Variants in DENND1A observed in about 807,000 individuals in gnomAD.
DENND1A encodes the protein DENN domain-containing protein 1A.
DENND1A carries 51 observed loss-of-function variants against 113.7 expected under a neutral mutation model. The observed-to-expected ratio is 0.45, with a 90% CI of 0.36 to 0.57. The LOEUF (loss-of-function observed/expected upper bound fraction) is 0.57, where lower values mean the gene tolerates loss of function less well. Ranked by LOEUF, DENND1A falls within the 20% of genes least tolerant of loss-of-function variation. The pLI, the probability that DENND1A is intolerant of heterozygous loss-of-function variation, is 0.00. For synonymous variants in DENND1A, 565 were observed against 570.8 expected, an observed-to-expected ratio of 0.99 and a Z score of 0.14; for missense variants, 1,258 against 1,395.9, an observed-to-expected ratio of 0.90 and a Z score of 1.57.
intron 23 of DENND1A, among the ~76,000 whole-genome samples, chr9:123,383,400 C>G (rs1223864644): frequency 6.6e-6 from 1 of 152,196 alleles, no homozygotes; most frequent in African/African-American, 2.4e-5. Flanking sequence ...AGCACCCGCC[C>G]CCCCGTCTGA....
intron 13 of DENND1A, chr9:123,491,949 G>A (rs900221708): frequency 3.3e-5 from 5 of 152,214 alleles, no homozygotes; most frequent in South Asian, 2.1e-4. Flanking sequence ...ACTACCTTAC[G>A]GGAGAGGGAC....
chr9:123,587,455 A>T (rs2059233350), intron 11 of DENND1A, among the ~76,000 whole-genome samples: 2 of 152,240 alleles, frequency 1.3e-5, no homozygotes, highest in African/African-American at 4.8e-5. Context: ...CTAGACAACC[A>T]GTTAGACCAG....
intron 4 of DENND1A, among the ~76,000 whole-genome samples, chr9:123,766,538 C>T (rs1184448675): frequency 6.6e-6 from 1 of 152,134 alleles, no homozygotes; most frequent in Non-Finnish European, 1.5e-5. Flanking sequence ...GGAAATCAAA[C>T]CTCGTTTCCT....
At chr9:123,674,271 AC>A (rs1308394492) in intron 6 of DENND1A, among the ~76,000 whole-genome samples, 2 of 150,910 alleles carry the variant, frequency 1.3e-5, no homozygotes, top group South Asian at 2.1e-4. Context: ...TATCCCAGTT[AC>A]TCACACCTTG....
At chr9:123,530,430 T>C (rs1435935483) in intron 13 of DENND1A, among the ~76,000 whole-genome samples, 2 of 152,190 alleles carry the variant, frequency 1.3e-5, no homozygotes, top group Admixed American at 1.3e-4. Context: ...ATTGTCAATG[T>C]ACCGTTTCAT....
At chr9:123,849,925 G>C (rs1439972087) in intron 2 of DENND1A, among the ~76,000 whole-genome samples, 4 of 152,198 alleles carry the variant, frequency 2.6e-5, no homozygotes, top group Non-Finnish European at 5.9e-5. Context: ...AGCAGAACCT[G>C]AAAATGGGAC....
intron 13 of DENND1A, among the ~76,000 whole-genome samples, chr9:123,524,363 G>A (rs976342787): frequency 4.6e-5 from 7 of 152,194 alleles, no homozygotes; most frequent in South Asian, 2.1e-4. Flanking sequence ...TTGGATGGTC[G>A]GGCTTATGAT....
chr9:123,749,818 C>G (rs2069845196), intron 5 of DENND1A, among the ~76,000 whole-genome samples: 1 of 152,220 alleles, frequency 6.6e-6, no homozygotes, highest in Non-Finnish European at 1.5e-5. Flanking sequence ...CACTTCCTGC[C>G]CTGTACTAAG....
chr9:123,714,562 A>G (rs1489205700), intron 5 of DENND1A, among the ~76,000 whole-genome samples: 2 of 152,166 alleles, frequency 1.3e-5, no homozygotes, highest in East Asian at 3.9e-4. Flanking sequence ...AGAACATGCC[A>G]CTGCACTCCA....
intron 15 of DENND1A, among the ~76,000 whole-genome samples, 174 bp downstream of exon 15, chr9:123,457,174 G>T (rs10760288): frequency 0.99 from 150,801 of 152,358 alleles, 74,651 homozygotes; most frequent in Middle Eastern, 1. Flanking sequence ...TATGGGCCAG[G>T]GTGCATTTTG....
At chr9:123,714,428 C>T (rs771355947) in intron 5 of DENND1A, among the ~76,000 whole-genome samples, 2 of 151,984 alleles carry the variant, frequency 1.3e-5, no homozygotes, top group Non-Finnish European at 2.9e-5. Flanking sequence ...ATGGTGAAAC[C>T]CCATCTCCAC....
chr9:123,779,871 A>C (rs1831010738), intron 3 of DENND1A, among the ~76,000 whole-genome samples: 1 of 104,034 alleles, frequency 9.6e-6, no homozygotes. Context: ...CTTGCATGAG[A>C]CTTTTTTTTG....
intron 2 of DENND1A, among the ~76,000 whole-genome samples, chr9:123,823,602 G>C (rs1476544442): frequency 6.6e-6 from 1 of 152,188 alleles, no homozygotes; most frequent in Non-Finnish European, 1.5e-5. Context: ...GTAGCGAAAA[G>C]ATCCCATGTG....
intron 5 of DENND1A, among the ~76,000 whole-genome samples, chr9:123,727,305 G>T (rs1200117172): frequency 6.6e-6 from 1 of 152,098 alleles, no homozygotes; most frequent in Non-Finnish European, 1.5e-5. Flanking sequence ...TTTATATCAA[G>T]CTAAAAGTTA....
At chr9:123,474,765 G>C (rs183911498) in intron 13 of DENND1A, among the ~76,000 whole-genome samples, 1 of 152,294 alleles carries the variant, frequency 6.6e-6, no homozygotes, top group African/African-American at 2.4e-5. Flanking sequence ...TTCCAGTTGT[G>C]AGAAGTAACT....
intron 18 of DENND1A, 117 bp from the exon 19 acceptor site, chr9:123,440,608 C>T (rs2046859970): frequency 3.8e-6 from 5 of 1,326,084 alleles, no homozygotes; most frequent in Non-Finnish European, 4.9e-6. Flanking sequence ...TGAGCCTGAC[C>T]TCTTGATGAA....
At chr9:123,909,191 C>T (rs1273034356) in intron 1 of DENND1A, among the ~76,000 whole-genome samples, 1 of 151,570 alleles carries the variant, frequency 6.6e-6, no homozygotes, top group Non-Finnish European at 1.5e-5. Context: ...CACTATGGGG[C>T]CTGTGGTGGG....
chr9:123,473,752 A>G (rs923733993), intron 13 of DENND1A, among the ~76,000 whole-genome samples: 3 of 152,134 alleles, frequency 2.0e-5, no homozygotes, highest in Non-Finnish European at 2.9e-5. Context: ...CTCCAGGGCC[A>G]GGCTCCCCTG....
intron 12 of DENND1A, among the ~76,000 whole-genome samples, chr9:123,577,066 T>C (rs903325563): frequency 1.3e-5 from 2 of 152,228 alleles, no homozygotes; most frequent in African/African-American, 4.8e-5. Flanking sequence ...AAATATTTTT[T>C]CTGTCTTTCC....
Sources: allele counts gnomAD v4.1 joint callset (sites outside exome capture counted in the v4.1 genomes callset), GRCh38; gene constraint gnomAD v4.1.1; transcripts MANE v1.5; gene names NCBI Gene and HGNC (gene_info 2026-07-23, HGNC 2026-07-21).